The following OTUB2 variants were observed in gnomAD, a reference collection of about 807,000 sequenced individuals.
The protein encoded by OTUB2 is OTU deubiquitinase, ubiquitin aldehyde binding 2.
In OTUB2, 21 loss-of-function variants were observed where a neutral mutation model predicts 25.1. The ratio of observed to expected loss-of-function variants is 0.84; its 90% CI spans 0.59 to 1.21. The LOEUF is 1.21. Ranked by LOEUF, OTUB2 falls within the 50% of genes most tolerant of loss-of-function variation. OTUB2 has a pLI of 0.00. For missense variants in OTUB2, 283 were observed against 298.0 expected, an observed-to-expected ratio of 0.95 and a Z score of 0.37; for synonymous variants, 122 against 122.8, an observed-to-expected ratio of 0.99 and a Z score of 0.04.
At chr14:94,038,843 C>A in intron 2 of OTUB2, 120 bp from the exon 3 acceptor site, 1 of 875,778 alleles carries the variant, frequency 1.1e-6, no homozygotes, top group Non-Finnish European at 2.0e-6. Flanking sequence ...GGATAGCAGC[C>A]TGAAGGGAGG....
chr14:94,037,435 G>C lies in OTUB2; in HGVS notation c.59G>C (p.Arg20Pro), dbSNP rs370671914. 6.2e-7 allele frequency: 1 copy of C among 1,606,610 alleles called. No individual in the cohort carries two copies. The highest frequency in any genetic ancestry group is 2.2e-5 in the East Asian group (1 of 44,760). ...SEKCDILSIL[R>P]DHPENRIYRR... is the part of the protein sequence containing the mutation. ...AAATGTGACATTCTATCCATTCTTC[G>C]GGACCATCCTGAAAACAGGATTTAC... The change falls in exon 2 of 6, where the codon CGG (arginine) becomes CCG (proline). Residue 20 changes from arginine to proline, a missense_variant. Arg to Pro is a moderately radical substitution (Grantham distance 103). Coordinates refer to ENST00000203664, the MANE Select transcript of OTUB2 (RefSeq NM_023112.4).
intron 2 of OTUB2, 111 bp downstream of exon 2, chr14:94,037,586 A>G: frequency 1.7e-6 from 1 of 575,418 alleles, no homozygotes; most frequent in South Asian, 2.8e-5. Context: ...TCCTGGGCAA[A>G]TGAAAGGATT....
chr14:94,029,972 G>A (rs1030797863), intron 1 of OTUB2, among the ~76,000 whole-genome samples: 1 of 152,226 alleles, frequency 6.6e-6, no homozygotes, highest in African/African-American at 2.4e-5. Context: ...CAGGTCAAAG[G>A]AGCAGCCGTG....
Position 94,045,892 on chromosome 14 carries a change from C to A in OTUB2, c.675C>A (p.Tyr225Ter). Residue 225 changes from tyrosine to a stop codon, truncating the protein, a stop_gained, in exon 6 of 6, where the codon TAC becomes TAA. Transcript: ENST00000203664. LOFTEE classifies it high-confidence loss of function. Reference sequence around the variant, plus strand: ...ACCTGCTCTATAAAACATCCCACTACAACATCCTTTATGCAGCCGATAAAC... The same window carrying A: ...ACCTGCTCTATAAAACATCCCACTAAAACATCCTTTATGCAGCCGATAAAC... The part of the protein sequence containing the change: ...SVYLLYKTSH[Y>*]NILYAADKH 6.2e-7 allele frequency: 1 copy of A among 1,614,258 alleles called. No individual in the cohort carries two copies. The highest frequency in any genetic ancestry group is 2.2e-5 in the East Asian group (1 of 44,888).
Position 94,037,301 on chromosome 14 carries a change from T to G in OTUB2, c.4-79T>G. ...ATTCATTGTTGTCTGTAACCGGCAG[T>G]TCAGAGGCCACCAGCTCGGGGAGTC... On this transcript the variant is annotated intron_variant, in intron 1 of 5. Coordinates refer to ENST00000203664, the MANE Select transcript of OTUB2 (RefSeq NM_023112.4). The G allele has an allele frequency of 3.0e-6, 3 of 1,005,546 alleles. No individual in the cohort carries two copies. In the South Asian group the frequency reaches 4.3e-5, roughly 14 times the overall value. 62.3% of individuals were successfully genotyped at this position (1,005,546 alleles called of 1,614,324 possible).
chr14:94,026,677 A>G (rs1884868957), intron 1 of OTUB2, 137 bp downstream of exon 1: 3 of 942,984 alleles, frequency 3.2e-6, no homozygotes, highest in Non-Finnish European at 4.1e-6. Context: ...CCGCTTTCCG[A>G]CCCCCTGAAA....
rs555569431 is a variant in OTUB2, at chr14:94,048,062, C to G, written c.*2140C>G. On this transcript the variant is annotated 3_prime_UTR_variant, in exon 6 of 6. Transcript: ENST00000203664. Reference sequence around the variant, plus strand: ...CGAACCATTGCCCTTGTTTCCCCCACGTTCTCTCTCAGATCTTTGTCTCGA... The same window carrying G: ...CGAACCATTGCCCTTGTTTCCCCCAGGTTCTCTCTCAGATCTTTGTCTCGA... 2 of 152,206 alleles carry G rather than the reference C, an allele frequency of 1.3e-5. No homozygotes were observed. Among genetic ancestry groups the G allele is most frequent in the Non-Finnish European group, 2.9e-5 (2 of 68,042 alleles). The allele number at this position is 152,206 out of a possible 1,614,324, so 9.4% of individuals were successfully genotyped here.
At chr14:94,037,674 T>G (rs1885083381) in intron 2 of OTUB2, among the ~76,000 whole-genome samples, 199 bp downstream of exon 2, 1 of 150,822 alleles carries the variant, frequency 6.6e-6, no homozygotes, top group South Asian at 2.1e-4. Flanking sequence ...GATTTTTTTT[T>G]GTTGAAAAGT....
At chr14:94,035,897 A>G (rs1280643164) in intron 1 of OTUB2, among the ~76,000 whole-genome samples, 1 of 152,136 alleles carries the variant, frequency 6.6e-6, no homozygotes, top group African/African-American at 2.4e-5. Flanking sequence ...AGGCCCCCCA[A>G]AAACACCCCT....
chr14:94,043,195 C>A (rs1885196990), intron 3 of OTUB2, among the ~76,000 whole-genome samples: 1 of 152,218 alleles, frequency 6.6e-6, no homozygotes, highest in African/African-American at 2.4e-5. Flanking sequence ...CTCTGTATTC[C>A]CTTGTGAACC....
rs1345278417 is a variant in OTUB2 at position 94,044,582 on chromosome 14, G to A, written c.304-4G>A. 12 of 1,603,588 alleles carry A rather than the reference G, an allele frequency of 7.5e-6. No homozygotes were observed. The highest frequency in any genetic ancestry group is 2.2e-5 in the East Asian group (1 of 44,620). On this transcript the variant is annotated splice_polypyrimidine_tract_variant and splice_region_variant and intron_variant, in intron 4 of 5. Transcript: ENST00000203664. ...CTCCCTAGCTGAGGGCCGGGCGGGC[G>A]CAGTTTTACAGTGTGGTGGAACTGG...
intron 1 of OTUB2, among the ~76,000 whole-genome samples, chr14:94,028,938 G>A (rs1884912470): frequency 6.6e-6 from 1 of 152,196 alleles, no homozygotes. Flanking sequence ...CGGGTGCGGG[G>A]GGACAGTGGG....
At chr14:94,045,613 GCA>G in intron 5 of OTUB2, 101 bp from the exon 6 acceptor site, 1 of 1,161,662 alleles carries the variant, frequency 8.6e-7, no homozygotes, top group South Asian at 1.4e-5. Context: ...TGACGTCCCA[GCA>G]CAGAGGCTGT....
Position 94,046,437 on chromosome 14 carries a change from C to A in OTUB2, c.*515C>A, listed in dbSNP as rs562041661. ...ATTGAGGTCAACTTGAATGTGAGGGCTACGGTGTGGTTTCAAACATTCATG... is the reference window on the plus strand; with the variant it reads ...ATTGAGGTCAACTTGAATGTGAGGGATACGGTGTGGTTTCAAACATTCATG... On this transcript the variant is annotated 3_prime_UTR_variant, in exon 6 of 6. Coordinates refer to ENST00000203664, the MANE Select transcript of OTUB2 (RefSeq NM_023112.4). 6.9e-5 allele frequency: 11 copies of A among 159,762 alleles called. No individual in the cohort carries two copies. In the South Asian group the frequency reaches 1.8e-3, roughly 27 times the overall value. The allele number at this position is 159,762 out of a possible 1,614,324, so 9.9% of individuals were successfully genotyped here.
intron 3 of OTUB2, 88 bp from the exon 4 acceptor site, chr14:94,043,883 G>C: frequency 8.4e-7 from 1 of 1,192,796 alleles, no homozygotes; most frequent in Non-Finnish European, 1.3e-6. Context: ...GTTGGTGGGC[G>C]CAGTGGGTTG....
chr14:94,043,120 C>T (rs1431189997), intron 3 of OTUB2, among the ~76,000 whole-genome samples: 7 of 152,258 alleles, frequency 4.6e-5, no homozygotes, highest in Non-Finnish European at 1.0e-4. Flanking sequence ...CTCCTCACTG[C>T]CCCCTGTCCT....
In OTUB2 at chr14:94,044,790, TG is replaced by T; in HGVS notation, c.498+14del. Reference sequence around the variant, plus strand: ...AGACTTCTGCACTCACGTAGGTGCTTGGGGTCTCAGCCCCAGCCCTGGGCTC... The same window carrying T: ...AGACTTCTGCACTCACGTAGGTGCTTGGGTCTCAGCCCCAGCCCTGGGCTC... On this transcript the variant is annotated intron_variant, in intron 5 of 5. Coordinates refer to ENST00000203664, the MANE Select transcript of OTUB2 (RefSeq NM_023112.4). 1.9e-6 allele frequency: 3 copies of T among 1,605,318 alleles called. No individual in the cohort carries two copies. The highest frequency in any genetic ancestry group is 2.6e-6 in the Non-Finnish European group (3 of 1,176,388).
chr14:94,029,793 C>T (rs1361053200), intron 1 of OTUB2, among the ~76,000 whole-genome samples: 1 of 152,198 alleles, frequency 6.6e-6, no homozygotes, highest in Non-Finnish European at 1.5e-5. Flanking sequence ...TCCCTGCCCC[C>T]ATGGAATTGG....
At position 94,026,497 on chromosome 14, in the gene OTUB2, T is replaced by C; in HGVS notation, c.-41T>C. ...CCGCGGCATTCCCGCACCGGATCGC[T>C]CCTCGCTGGGGCGGGACCTGGCCTG... On this transcript the variant is annotated 5_prime_UTR_variant, in exon 1 of 6. Coordinates refer to ENST00000203664, the MANE Select transcript of OTUB2 (RefSeq NM_023112.4). The C allele has an allele frequency of 3.8e-6, 5 of 1,315,632 alleles. No individual in the cohort carries two copies. The highest frequency in any genetic ancestry group is 4.9e-6 in the Non-Finnish European group (5 of 1,026,098). The allele number at this position is 1,315,632 out of a possible 1,614,324, so 81.5% of individuals were successfully genotyped here. A position where few individuals can be genotyped will look rare whatever the true frequency, so the allele number is the denominator to read the frequency against.
Sources: gnomAD v4.1 joint callset for allele counts (sites outside exome capture counted in the v4.1 genomes callset) on GRCh38, gnomAD v4.1.1 for gene constraint, MANE v1.5 for transcripts, NCBI Gene and HGNC (gene_info 2026-07-23, HGNC 2026-07-21) for gene names.